Variants in GAP43 observed in about 807,000 individuals in gnomAD.
GAP43 encodes neuromodulin.
GAP43 carries 6 observed loss-of-function variants against 18.6 expected under a neutral mutation model. The ratio of observed to expected loss-of-function variants is 0.32; its 90% CI spans 0.18 to 0.64. GAP43 has a LOEUF of 0.64. Among genes scored for constraint, GAP43 ranks in the 30% least tolerant of loss-of-function variants. The probability of loss-of-function intolerance (pLI) is 0.78; values close to 1 mark genes in which losing one functional copy is unlikely to be tolerated. For missense variants in GAP43, 292 were observed against 295.5 expected (o/e 0.99, Z 0.09); for synonymous variants, 115 against 111.4 (o/e 1.03, Z -0.20).
intron 1 of GAP43, among the ~76,000 whole-genome samples, chr3:115,624,557 C>T (rs180914090): frequency 6.6e-5 from 10 of 152,282 alleles, no homozygotes; most frequent in Admixed American, 3.3e-4. Context: ...GACAGGCTAA[C>T]ATCCTGGATA....
At chr3:115,709,507 G>A (rs530677190) in intron 2 of GAP43, among the ~76,000 whole-genome samples, 46 of 152,260 alleles carry the variant, frequency 3.0e-4, no homozygotes, top group Non-Finnish European at 5.9e-4. Context: ...TGTGTTTCTT[G>A]TAAACTTCTT....
chr3:115,632,733 TC>T (rs1462307223), intron 1 of GAP43, among the ~76,000 whole-genome samples: 1 of 152,154 alleles, frequency 6.6e-6, no homozygotes, highest in East Asian at 1.9e-4. Context: ...GTACATATTT[TC>T]CCAAAATACT....
At position 115,631,623 on chromosome 3, in the gene GAP43, T is replaced by C. The variant is rs552709939; in HGVS notation, c.30+7904T>C. On this transcript the variant is annotated intron_variant, in intron 1 of 2. Transcript: ENST00000305124. ...TTCCCATACTCTACAGAGTAAATTT[T>C]TTGTTTGTTTGTTTTTTGAGATGGA... 3.3e-5 allele frequency among the ~76,000 whole-genome samples: 5 copies of C among 152,220 alleles called. 1 individual carries two copies. In the South Asian group the frequency reaches 1.0e-3, roughly 32 times the overall value.
At chr3:115,688,555 CCTTT>C (rs890576049) in intron 2 of GAP43, among the ~76,000 whole-genome samples, 2 of 152,174 alleles carry the variant, frequency 1.3e-5, no homozygotes, top group African/African-American at 4.8e-5. Flanking sequence ...AAATCTGTCG[CCTTT>C]CTTTCTCCCA....
At chr3:115,640,004 A>G (rs1708376518) in intron 1 of GAP43, among the ~76,000 whole-genome samples, 1 of 152,076 alleles carries the variant, frequency 6.6e-6, no homozygotes, top group Admixed American at 6.6e-5. Flanking sequence ...TGGGGTCTAG[A>G]TGGGAAACTT....
chr3:115,709,950 C>A (rs181679430), intron 2 of GAP43, among the ~76,000 whole-genome samples: 3 of 151,904 alleles, frequency 2.0e-5, no homozygotes, highest in Non-Finnish European at 4.4e-5. Context: ...AACTTTTTCA[C>A]GGCACCCCTA....
intron 1 of GAP43, among the ~76,000 whole-genome samples, chr3:115,636,949 T>C (rs1708336769): frequency 6.6e-6 from 1 of 152,112 alleles, no homozygotes; most frequent in Non-Finnish European, 1.5e-5. Context: ...ACTTGGATAT[T>C]CTGTCCCACC....
chr3:115,699,022 A>G (rs1179948583), intron 2 of GAP43, among the ~76,000 whole-genome samples: 1 of 152,150 alleles, frequency 6.6e-6, no homozygotes, highest in Non-Finnish European at 1.5e-5. Flanking sequence ...TAAAAGCGGC[A>G]GCCATTCTCG....
At chr3:115,696,580 C>A (rs1044054206) in intron 2 of GAP43, among the ~76,000 whole-genome samples, 58 of 110,230 alleles carry the variant, frequency 5.3e-4, no homozygotes, top group Middle Eastern at 4.3e-3. Context: ...CCCCCACCGC[C>A]CCCCCCCCCC....
chr3:115,629,599 A>T (rs1048789212), intron 1 of GAP43, among the ~76,000 whole-genome samples: 1 of 152,004 alleles, frequency 6.6e-6, no homozygotes, highest in Non-Finnish European at 1.5e-5. Context: ...CTTTTTGCCC[A>T]TGCTGTATTT....
At chr3:115,663,778 G>A (rs763993565) in intron 1 of GAP43, 28 of 1,551,606 alleles carry the variant, frequency 1.8e-5, no homozygotes, top group Middle Eastern at 1.7e-4. Flanking sequence ...AGACACTGGC[G>A]ATGACAAAGT....
At chr3:115,713,473 G>A (rs549883748) in intron 2 of GAP43, among the ~76,000 whole-genome samples, 1 of 152,366 alleles carries the variant, frequency 6.6e-6, no homozygotes, top group African/African-American at 2.4e-5. Context: ...TTAGAGCTCA[G>A]TGTAGGCAAT....
chr3:115,720,838 G>A lies in GAP43; in HGVS notation c.673G>A (p.Glu225Lys), dbSNP rs114255655. The A allele has an allele frequency of 8.2e-5, 132 of 1,613,052 alleles. No homozygotes were observed. The highest frequency in any genetic ancestry group is 1.0e-4 in the Non-Finnish European group (123 of 1,179,360). Residue 225 changes from glutamate (E) to lysine (K), a missense_variant, in exon 3 of 3, where the codon GAG becomes AAG. Glu to Lys is a moderately conservative substitution (Grantham distance 56, BLOSUM62 1). Coordinates refer to ENST00000305124, the MANE Select transcript of GAP43 (RefSeq NM_002045.4). ...ACCTAAGGAAAGTGCCCGGCAGGAC[G>A]AGGGTAAAGAAGAGGAACCTGAGGC... ...TKPKESARQD[E>K]GKEEEPEADQ...
chr3:115,636,650 C>T (rs543043915), intron 1 of GAP43, among the ~76,000 whole-genome samples: 10 of 152,234 alleles, frequency 6.6e-5, no homozygotes, highest in East Asian at 1.9e-4. Flanking sequence ...GCTAATCTTA[C>T]GTTTAATCCC....
intron 2 of GAP43, among the ~76,000 whole-genome samples, chr3:115,708,940 GTTTTTTTTT>G (rs3086974): frequency 6.0e-5 from 6 of 99,810 alleles, no homozygotes; most frequent in East Asian, 3.0e-4. Context: ...AACTGGCTGG[GTTTTTTTTT>G]TTTTTTTTTT....
intron 2 of GAP43, among the ~76,000 whole-genome samples, chr3:115,693,324 C>T (rs1709139143): frequency 6.6e-6 from 1 of 152,036 alleles, no homozygotes; most frequent in Non-Finnish European, 1.5e-5. Flanking sequence ...TAAAAGTAGT[C>T]CAAGGAAATG....
chr3:115,678,323 T>A (rs989723145), intron 2 of GAP43, among the ~76,000 whole-genome samples: 6 of 152,220 alleles, frequency 3.9e-5, no homozygotes, highest in African/African-American at 1.4e-4. Context: ...CCATATTTTT[T>A]AACTGGGATT....
intron 1 of GAP43, among the ~76,000 whole-genome samples, chr3:115,655,183 T>C (rs1708564545): frequency 6.6e-6 from 1 of 152,200 alleles, no homozygotes; most frequent in Admixed American, 6.5e-5. Flanking sequence ...CCAGGTTGCA[T>C]CAAGGTGGTC....
chr3:115,664,024 T>C, intron 1 of GAP43: 1 of 1,031,944 alleles, frequency 9.7e-7, no homozygotes, highest in Non-Finnish European at 1.4e-6. Flanking sequence ...ACTTAACTAA[T>C]GTCCTTCTAC....
Sources: gnomAD v4.1 joint callset for allele counts (sites outside exome capture counted in the v4.1 genomes callset) on GRCh38, gnomAD v4.1.1 for gene constraint, MANE v1.5 for transcripts, NCBI Gene and HGNC (gene_info 2026-07-23, HGNC 2026-07-21) for gene names.